COL18A1: variants seen among roughly 807,000 people sequenced by gnomAD.
COL18A1 encodes the protein collagen type XVIII alpha 1 chain.
Under a neutral mutation model 168.0 loss-of-function variants are expected in COL18A1, and 133 were observed. The observed-to-expected ratio is 0.79, with a 90% CI of 0.69 to 0.91. The LOEUF (loss-of-function observed/expected upper bound fraction) is 0.91. Among genes scored for constraint, COL18A1 ranks in the 40% least tolerant of loss-of-function variants. The pLI, the probability that COL18A1 is intolerant of heterozygous loss-of-function variation, is 0.00. For synonymous variants in COL18A1, 949 were observed against 809.0 expected (o/e 1.17, Z -2.94); for missense variants, 2,126 against 1,925.4 (o/e 1.10, Z -1.95).
chr21:45,489,492 C>G lies in COL18A1; in HGVS notation c.1930C>G (p.Pro644Ala). 1.9e-6 allele frequency: 3 copies of G among 1,602,372 alleles called. No individual in the cohort carries two copies. The highest frequency in any genetic ancestry group is 4.5e-5 in the East Asian group (2 of 44,594). ...PPGLPGLKGD[P>A]GVPGLPGAKG... ...AGCCCCTTTTTTCACTTAGGGGGAT[C>G]CTGGCGTGCCTGGGCTGCCGGGGGC... Residue 644 changes from proline (P) to alanine (A), a missense_variant, in exon 19 of 42, where the codon CCT (proline) becomes GCT (alanine). Coordinates refer to ENST00000651438, the MANE Select transcript of COL18A1 (RefSeq NM_001379500.1).
intron 2 of COL18A1, chr21:45,467,359 C>T (rs766086233): frequency 9.2e-5 from 91 of 985,394 alleles, no homozygotes; most frequent in Admixed American, 1.2e-4. Context: ...GTGAGTCACC[C>T]GGCGCTGTGG....
In COL18A1 at chr21:45,456,766, C is replaced by T. The variant is rs752267686; in HGVS notation, c.107-11476C>T. The stretch of plus-strand genomic sequence containing the variant: ...CCCCGCCACCCTGCTGCCAGTTCTG[C>T]GAGGCCCTGCAGGATGCGTGTTGGA... On this transcript the variant is annotated intron_variant, in intron 2 of 41. Coordinates refer to ENST00000651438, the MANE Select transcript of COL18A1 (RefSeq NM_001379500.1). 6.2e-5 allele frequency: 96 copies of T among 1,541,388 alleles called. 1 individual carries two copies. Among genetic ancestry groups the T allele is most frequent in the South Asian group, 8.3e-5 (7 of 83,866 alleles).
intron 2 of COL18A1, among the ~76,000 whole-genome samples, chr21:45,432,161 AG>A (rs1334963430): frequency 1.3e-5 from 2 of 152,200 alleles, no homozygotes; most frequent in Non-Finnish European, 2.9e-5. Context: ...AACAAGCCCC[AG>A]GCCTCTCCCT....
rs775215088 is a variant in COL18A1 at position 45,405,508 on chromosome 21, G to T, written c.106+35G>T. Reference sequence around the variant, plus strand: ...GGGCGGGACGGGAAGGTTCGCGCCGGTGCCCGCCGGCCTCGCCGCCCTGGC... The same window carrying T: ...GGGCGGGACGGGAAGGTTCGCGCCGTTGCCCGCCGGCCTCGCCGCCCTGGC... On this transcript the variant is annotated intron_variant, in intron 2 of 41. Transcript: ENST00000651438. The T allele has an allele frequency of 3.2e-6, 4 of 1,258,370 alleles. No homozygotes were observed. The South Asian group carries it at 6.3e-5, about 20-fold the overall frequency. 78.0% of individuals were successfully genotyped at this position (1,258,370 alleles called of 1,614,324 possible).
intron 14 of COL18A1, chr21:45,482,434 A>G: frequency 3.5e-6 from 2 of 577,510 alleles, no homozygotes; most frequent in Non-Finnish European, 6.4e-6. Flanking sequence ...ATGACCTCAG[A>G]TGAGAGCTGC....
rs886813731 is a variant in COL18A1, at chr21:45,493,542, C to T, written c.2319C>T (p.Gly773=). ...GEPGSIFSPD[G]GALGPAQKGA... is the part of the protein sequence containing the mutation. ...CGGGCAGCATCTTCAGCCCCGACGG[C>T]GGTGCCCTGGGCCCTGCCCAGAAAG... The change falls in exon 26 of 42, where the codon GGC becomes GGT. Residue 773 remains glycine (G), a synonymous_variant. Coordinates refer to ENST00000651438, the MANE Select transcript of COL18A1 (RefSeq NM_001379500.1). The T allele has an allele frequency of 7.1e-6, 11 of 1,560,022 alleles. No homozygotes were observed. The highest frequency in any genetic ancestry group is 2.7e-5 in the African/African-American group (2 of 73,346).
At chr21:45,421,204 C>T (rs13050115) in intron 2 of COL18A1, 29,748 of 356,632 alleles carry the variant, frequency 0.083, 1,616 homozygotes, top group Non-Finnish European at 0.11. Flanking sequence ...CTTGGCCAGA[C>T]GGCTTTGCCG....
chr21:45,482,266 T>C (rs12482563), intron 14 of COL18A1: 196,694 of 632,952 alleles, frequency 0.31, 31,272 homozygotes, highest in African/African-American at 0.4. Flanking sequence ...ATGGGCACCC[T>C]GCGAGATCTG....
intron 2 of COL18A1, among the ~76,000 whole-genome samples, chr21:45,437,119 ACAGACACACAGG>A (rs2034130686): frequency 6.2e-5 from 7 of 113,598 alleles, no homozygotes; most frequent in African/African-American, 2.3e-4. Flanking sequence ...ACACTCACAC[ACAGACACACAGG>A]CACTCTCCAC....
intron 2 of COL18A1, among the ~76,000 whole-genome samples, chr21:45,446,307 C>T (rs1374732351): frequency 6.6e-6 from 1 of 152,242 alleles, no homozygotes; most frequent in African/African-American, 2.4e-5. Flanking sequence ...GCGCCACTCC[C>T]ACACTGTCCT....
At chr21:45,444,418 G>T (rs1403783753) in intron 2 of COL18A1, among the ~76,000 whole-genome samples, 1 of 152,144 alleles carries the variant, frequency 6.6e-6, no homozygotes, top group Admixed American at 6.5e-5. Flanking sequence ...GGTGATGTGC[G>T]GGGTTGTGGT....
chr21:45,472,673 G>T (rs1334773956), intron 3 of COL18A1, among the ~76,000 whole-genome samples: 3 of 152,162 alleles, frequency 2.0e-5, no homozygotes, highest in African/African-American at 7.2e-5. Flanking sequence ...GGCCGACCTG[G>T]GGGCACTGTA....
chr21:45,474,682 G>C (rs995274873), intron 4 of COL18A1, among the ~76,000 whole-genome samples: 1 of 152,250 alleles, frequency 6.6e-6, no homozygotes, highest in Non-Finnish European at 1.5e-5. Flanking sequence ...CAGGGGCCCA[G>C]ATCACAACAT....
chr21:45,437,007 C>T (rs2034121886), intron 2 of COL18A1, among the ~76,000 whole-genome samples: 1 of 152,060 alleles, frequency 6.6e-6, no homozygotes, highest in Non-Finnish European at 1.5e-5. Flanking sequence ...CTGTCTGCAT[C>T]CGTTCCTGTA....
rs1413330501 is a variant in COL18A1, at chr21:45,509,407, AACCCCTACCCGCGGCGGGAGCACCCCC to A, written c.3307_3333del (p.Tyr1103_Pro1111del). 1 of 1,542,568 alleles carries A rather than the reference AACCCCTACCCGCGGCGGGAGCACCCCC, an allele frequency of 6.5e-7. No homozygotes were observed. The highest frequency in any genetic ancestry group is 8.7e-7 in the Non-Finnish European group (1 of 1,145,116). On this transcript the variant is annotated inframe_deletion, in exon 39 of 42. Coordinates refer to ENST00000651438, the MANE Select transcript of COL18A1 (RefSeq NM_001379500.1). ...CCCCGTGGTGCAGCTGCACGACAGC[AACCCCTACCCGCGGCGGGAGCACCCCC>A]ACCCCACCGCGCGGCCCTGGCGGGC...
chr21:45,493,049 C>T (rs1037940898), intron 24 of COL18A1, 114 bp from the exon 25 acceptor site: 19 of 1,105,148 alleles, frequency 1.7e-5, no homozygotes, highest in African/African-American at 1.1e-4. Context: ...GGGCCCTGGT[C>T]GGGCTGTCGA....
intron 39 of COL18A1, 103 bp downstream of exon 39, chr21:45,509,704 G>A (rs138768565): frequency 0.019 from 14,966 of 771,772 alleles, 197 homozygotes; most frequent in Non-Finnish European, 0.028. Context: ...CCCAGGCTTC[G>A]GCCATGGGTG....
chr21:45,495,045 C>T, intron 28 of COL18A1, 130 bp downstream of exon 28: 1 of 824,100 alleles, frequency 1.2e-6, no homozygotes, highest in Non-Finnish European at 2.0e-6. Context: ...CCCCCAAGAA[C>T]CGGCCCTGCC....
intron 2 of COL18A1, among the ~76,000 whole-genome samples, chr21:45,419,330 C>T (rs2033549809): frequency 6.6e-6 from 1 of 150,960 alleles, no homozygotes; most frequent in Admixed American, 6.6e-5. Flanking sequence ...CGTGTAGTTA[C>T]ATGATGCTGT....
Sources: allele counts gnomAD v4.1 joint callset (sites outside exome capture counted in the v4.1 genomes callset), GRCh38; gene constraint gnomAD v4.1.1; transcripts MANE v1.5; gene names NCBI Gene and HGNC (gene_info 2026-07-23, HGNC 2026-07-21).